Variants in MEGF11 observed in about 807,000 individuals in gnomAD.
MEGF11 encodes multiple EGF like domains 11, also known as multiple epidermal growth factor-like domains protein 11.
A neutral mutation model predicts 146.6 loss-of-function variants in MEGF11; 126 were observed. The observed-to-expected ratio is 0.86, with a 90% CI of 0.74 to 1.00. The LOEUF is 1.00. Among genes scored for constraint, MEGF11 ranks in the 50% least tolerant of loss-of-function variants. The pLI, the probability that MEGF11 is intolerant of heterozygous loss-of-function variation, is 0.00. For synonymous variants in MEGF11, 532 were observed against 583.4 expected (o/e 0.91, Z 1.27); for missense variants, 1,509 against 1,521.2 (o/e 0.99, Z 0.13).
chr15:66,082,672 C>CAAAAAAAAAAAAAAAAAAAA (rs71139462), intron 5 of MEGF11, among the ~76,000 whole-genome samples: 1 of 39,144 alleles, frequency 2.6e-5, no homozygotes, highest in African/African-American at 1.1e-4. Flanking sequence ...GACTCTGTCT[C>CAAAAAAAAAAAAAAAAAAAA]AAAAAAAAAA....
intron 5 of MEGF11, among the ~76,000 whole-genome samples, chr15:66,026,242 TTC>T (rs1278482562): frequency 2.6e-5 from 4 of 152,186 alleles, no homozygotes; most frequent in African/African-American, 4.8e-5. Context: ...AAAATGCAAA[TTC>T]TGATTCAGGA....
intron 5 of MEGF11, among the ~76,000 whole-genome samples, chr15:65,992,188 C>T (rs2082064405): frequency 6.6e-6 from 1 of 152,208 alleles, no homozygotes; most frequent in Admixed American, 6.5e-5. Context: ...CCGTAGCTTC[C>T]ACCACAGCTC....
At chr15:66,032,205 T>C (rs2083547705) in intron 5 of MEGF11, among the ~76,000 whole-genome samples, 3 of 152,236 alleles carry the variant, frequency 2.0e-5, no homozygotes, top group Non-Finnish European at 1.5e-5. Context: ...TGTGCCATGC[T>C]CTTGAACTTC....
intron 9 of MEGF11, among the ~76,000 whole-genome samples, chr15:65,962,179 T>C (rs1018669055): frequency 6.6e-6 from 1 of 152,152 alleles, no homozygotes; most frequent in African/African-American, 2.4e-5. Context: ...GAGAAGACTC[T>C]ATAATGGGCC....
chr15:66,195,011 C>T (rs2090974961), intron 1 of MEGF11, among the ~76,000 whole-genome samples: 1 of 151,238 alleles, frequency 6.6e-6, no homozygotes, highest in Non-Finnish European at 1.5e-5. Context: ...TGTCCATTGT[C>T]CTTGAAAAAA....
chr15:65,917,800 TAATC>T (rs1263465802), intron 16 of MEGF11, among the ~76,000 whole-genome samples, 162 bp downstream of exon 16: 1 of 133,888 alleles, frequency 7.5e-6, no homozygotes, highest in Non-Finnish European at 1.8e-5. Flanking sequence ...TCAATCCTAA[TAATC>T]CATCATGTTA....
chr15:66,217,582 C>A lies in MEGF11; in HGVS notation c.-9+36023G>T, dbSNP rs142089636. Among the ~76,000 whole-genome samples the A allele has an allele frequency of 5.3e-3, 807 of 152,330 alleles. 9 individuals carry two copies. The highest frequency in any genetic ancestry group is 0.019 in the African/African-American group (772 of 41,560). On this transcript the variant is annotated intron_variant, in intron 1 of 25. Coordinates refer to ENST00000395614, the MANE Select transcript of MEGF11 (RefSeq NM_001385028.1). ...AAATATGTGTTCACATCTTCCAGGG[C>A]AGAAGTACCTGGCCAGGGGATTAAG... is the stretch of plus-strand genomic sequence containing the variant.
chr15:66,003,327 C>T (rs1945900114), intron 5 of MEGF11, among the ~76,000 whole-genome samples: 1 of 152,160 alleles, frequency 6.6e-6, no homozygotes, highest in African/African-American at 2.4e-5. Flanking sequence ...CTGAGCTGAA[C>T]CACAGTCCTA....
intron 20 of MEGF11, among the ~76,000 whole-genome samples, chr15:65,913,253 A>G (rs1309528035): frequency 6.6e-6 from 1 of 152,160 alleles, no homozygotes; most frequent in South Asian, 2.1e-4. Flanking sequence ...CAAGTCAGGT[A>G]CTGTCCCCTT....
rs1052666014 is a variant in MEGF11, at chr15:66,143,993, A to G, written c.-8-15582T>C. On this transcript the variant is annotated intron_variant, in intron 1 of 25. Coordinates refer to ENST00000395614, the MANE Select transcript of MEGF11 (RefSeq NM_001385028.1). ...GGTCCTCCTCTGTCCAGGAGGAGCTACAAAGGCAGAAATCAAAGCTCCCCC... is the reference window on the plus strand; with the variant it reads ...GGTCCTCCTCTGTCCAGGAGGAGCTGCAAAGGCAGAAATCAAAGCTCCCCC... Among the ~76,000 whole-genome samples the G allele has an allele frequency of 8.5e-5, 13 of 152,280 alleles. No individual in the cohort carries two copies. In the East Asian group the frequency reaches 2.1e-3, roughly 25 times the overall value.
chr15:66,146,716 AGCG>A (rs781776125), intron 1 of MEGF11, among the ~76,000 whole-genome samples: 1 of 152,242 alleles, frequency 6.6e-6, no homozygotes, highest in Non-Finnish European at 1.5e-5. Flanking sequence ...CACTGTGGAC[AGCG>A]GCCTGTGCGC....
chr15:66,026,089 G>A (rs773868612), intron 5 of MEGF11, among the ~76,000 whole-genome samples: 13 of 152,200 alleles, frequency 8.5e-5, no homozygotes, highest in Non-Finnish European at 1.6e-4. Flanking sequence ...TCAGATCTCC[G>A]GGGATGGAGC....
Position 66,123,981 on chromosome 15 carries a change from C to T in MEGF11, c.118G>A (p.Glu40Lys), listed in dbSNP as rs373237400. ...HWESYAVTVQ[E>K]SYAHPFDQIY... is the part of the protein sequence containing the mutation. Reference sequence around the variant, plus strand: ...TGATCGAAGGGGTGTGCATACGATTCCTGGACAGTCACAGCATAGCTGAGA... The same window carrying T: ...TGATCGAAGGGGTGTGCATACGATTTCTGGACAGTCACAGCATAGCTGAGA... The change falls in exon 3 of 26, where the codon GAA becomes AAA. Residue 40 changes from glutamate to lysine, a missense_variant. By Grantham distance (56) the Glu-to-Lys change is moderately conservative (BLOSUM62 1). Coordinates refer to ENST00000395614, the MANE Select transcript of MEGF11 (RefSeq NM_001385028.1). 6.2e-6 allele frequency: 10 copies of T among 1,613,750 alleles called. No homozygotes were observed. The highest frequency in any genetic ancestry group is 2.2e-5 in the South Asian group (2 of 91,076).
intron 1 of MEGF11, among the ~76,000 whole-genome samples, chr15:66,205,960 T>G (rs2091289373): frequency 6.6e-6 from 1 of 152,184 alleles, no homozygotes; most frequent in African/African-American, 2.4e-5. Flanking sequence ...AATCAATAAA[T>G]GTCAACTCCA....
intron 1 of MEGF11, among the ~76,000 whole-genome samples, chr15:66,216,348 C>T (rs1567287229): frequency 6.6e-6 from 1 of 152,118 alleles, no homozygotes; most frequent in Non-Finnish European, 1.5e-5. Flanking sequence ...TTAAGGATGC[C>T]CTATCATTGC....
chr15:66,032,382 G>C (rs2083556640), intron 5 of MEGF11, among the ~76,000 whole-genome samples: 1 of 152,234 alleles, frequency 6.6e-6, no homozygotes, highest in African/African-American at 2.4e-5. Flanking sequence ...TTTGAGGACT[G>C]GGTAATGGGT....
intron 1 of MEGF11, among the ~76,000 whole-genome samples, chr15:66,135,186 A>G (rs2088835301): frequency 6.6e-6 from 1 of 152,218 alleles, no homozygotes; most frequent in African/African-American, 2.4e-5. Context: ...CTTCCCAGCC[A>G]CATCCTTCAC....
intron 5 of MEGF11, among the ~76,000 whole-genome samples, chr15:66,074,864 G>C (rs905005919): frequency 2.0e-5 from 3 of 152,134 alleles, no homozygotes; most frequent in Non-Finnish European, 1.5e-5. Context: ...GGGTCATAGG[G>C]TGGCATCTTA....
intron 1 of MEGF11, among the ~76,000 whole-genome samples, chr15:66,150,131 G>A (rs963524094): frequency 6.6e-6 from 1 of 152,208 alleles, no homozygotes; most frequent in African/African-American, 2.4e-5. Flanking sequence ...GTGGCTCTGG[G>A]GAGACAAAGC....
Sources: gnomAD v4.1 joint callset for allele counts (sites outside exome capture counted in the v4.1 genomes callset) on GRCh38, gnomAD v4.1.1 for gene constraint, MANE v1.5 for transcripts, NCBI Gene and HGNC (gene_info 2026-07-23, HGNC 2026-07-21) for gene names.